ATXN7L2: variants seen among roughly 807,000 people sequenced by gnomAD.
ATXN7L2 encodes ataxin-7-like protein 2.
Under a neutral mutation model 59.6 loss-of-function variants are expected in ATXN7L2, and 17 were observed. The observed-to-expected ratio is 0.29, with a 90% CI of 0.20 to 0.43. The LOEUF (loss-of-function observed/expected upper bound fraction) is 0.43, where lower values mean the gene tolerates loss of function less well. Among genes scored for constraint, ATXN7L2 ranks in the 20% least tolerant of loss-of-function variants. The probability of loss-of-function intolerance (pLI) is 1.00; values close to 1 mark genes in which losing one functional copy is unlikely to be tolerated. For synonymous variants in ATXN7L2, 378 were observed against 392.5 expected (o/e 0.96, Z 0.44); for missense variants, 858 against 1,008.9 (o/e 0.85, Z 2.03).
chr1:109,492,767 A>AT (rs1657202451), downstream of ATXN7L2: 2 of 791,230 alleles, frequency 2.5e-6, no homozygotes, highest in South Asian at 4.4e-5. Context: ...TGCTATGAAA[A>AT]TATAAAAACA....
Position 109,483,931 on chromosome 1 carries a change from G to C in ATXN7L2, c.-23G>C, listed in dbSNP as rs1656367328. ...GGGGCCGCGCGGCGGCGGCGCCAGG[G>C]CGGGCGCGCGTCCGCGGCGGTGATG... On this transcript the variant is annotated 5_prime_UTR_variant, in exon 1 of 11. Transcript: ENST00000683729. 8.4e-7 allele frequency: 1 copy of C among 1,194,520 alleles called. No homozygotes were observed. The highest frequency in any genetic ancestry group is 1.6e-5 in the African/African-American group (1 of 62,580). The allele number at this position is 1,194,520 out of a possible 1,614,324, so 74.0% of individuals were successfully genotyped here. A position where few individuals can be genotyped will look rare whatever the true frequency, so the allele number is the denominator to read the frequency against.
rs1246346702 is a variant in ATXN7L2, at chr1:109,488,786, C to T, written c.880-61C>T. On this transcript the variant is annotated intron_variant, in intron 6 of 10. Transcript: ENST00000683729. This position sits in a 1 kb window ranked among gnomAD's most constrained non-coding sequence, Gnocchi z 5.0. ...ACTTGCCCGGGCCAAAGCACCCTGC[C>T]GTCCCTCACCCCTTCTCAGTTCATA... 15 of 1,556,070 alleles carry T rather than the reference C, an allele frequency of 9.6e-6. No individual in the cohort carries two copies. The East Asian group carries it at 1.6e-4, about 16-fold the overall frequency.
At chr1:109,484,127 CT>C in intron 1 of ATXN7L2, 47 bp downstream of exon 1, 1 of 1,395,392 alleles carries the variant, frequency 7.2e-7, no homozygotes, top group Non-Finnish European at 9.4e-7. Flanking sequence ...ACTATCTCCC[CT>C]CCCCCCTTCC....
Position 109,490,887 on chromosome 1 carries a change from T to C in ATXN7L2, c.1455-35T>C, listed in dbSNP as rs186230907. The stretch of plus-strand genomic sequence containing the variant: ...GTGTTGGGGGAAGCTGTCTTGTTTC[T>C]TGGCAGTCACAGTGGGGCTTTCTTT... On this transcript the variant is annotated intron_variant, in intron 9 of 10. Coordinates refer to ENST00000683729, the MANE Select transcript of ATXN7L2 (RefSeq NM_001350175.2). 1.4e-4 allele frequency: 217 copies of C among 1,527,632 alleles called. No homozygotes were observed. The African/African-American group carries it at 2.6e-3, about 19-fold the overall frequency. The allele number at this position is 1,527,632 out of a possible 1,614,324, so 94.6% of individuals were successfully genotyped here. A position where few individuals can be genotyped will look rare whatever the true frequency, so the allele number is the denominator to read the frequency against.
In ATXN7L2 at chr1:109,488,525, C is replaced by T. The variant is rs1656762850; in HGVS notation, c.879+60C>T. The stretch of plus-strand genomic sequence containing the variant: ...AGCACAGGGCTTGCCCACTCCTTCC[C>T]TGGGCAAAGAGAGGAATGTCGATGT... On this transcript the variant is annotated intron_variant, in intron 6 of 10. Transcript: ENST00000683729. The surrounding 1 kb of genome is among the most constrained non-coding windows in gnomAD (Gnocchi z 5.0). 2 of 1,496,996 alleles carry T rather than the reference C, an allele frequency of 1.3e-6. No homozygotes were observed. Among genetic ancestry groups the T allele is most frequent in the Non-Finnish European group, 1.8e-6 (2 of 1,089,070 alleles). The allele number at this position is 1,496,996 out of a possible 1,614,324, so 92.7% of individuals were successfully genotyped here. A position where few individuals can be genotyped will look rare whatever the true frequency, so the allele number is the denominator to read the frequency against.
Position 109,491,393 on chromosome 1 carries a change from C to T in ATXN7L2, c.1926C>T (p.Ser642=). The stretch of plus-strand genomic sequence containing the variant: ...CGGCCAAAACTAAAACAGCCCTGAG[C>T]ATGGGGCTTAATGGGACAATGGGGC... The part of the protein sequence containing the change: ...GLSAKTKTAL[S]MGLNGTMGPR... Residue 642 remains serine, a synonymous_variant, in exon 10 of 11, where the codon AGC becomes AGT. Transcript: ENST00000683729. The surrounding 1 kb of genome is among the most constrained non-coding windows in gnomAD (Gnocchi z 4.1). 1 of 1,614,244 alleles carries T rather than the reference C, an allele frequency of 6.2e-7. No individual in the cohort carries two copies. Among genetic ancestry groups the T allele is most frequent in the Non-Finnish European group, 8.5e-7 (1 of 1,180,046 alleles).
chr1:109,490,021 G>C lies in ATXN7L2; in HGVS notation c.1225G>C (p.Gly409Arg), dbSNP rs990966113. 6.2e-7 allele frequency: 1 copy of C among 1,613,058 alleles called. No homozygotes were observed. The highest frequency in any genetic ancestry group is 8.5e-7 in the Non-Finnish European group (1 of 1,179,600). The change falls in exon 8 of 11, where the codon GGT becomes CGT. Residue 409 changes from glycine (G) to arginine (R), a missense_variant. Transcript: ENST00000683729. Reference sequence around the variant, plus strand: ...CCTGTTCCCCTTCCCCATGCCCCGGGGTGGGACCCAGGCCTCCAGCGAAGA... The same window carrying C: ...CCTGTTCCCCTTCCCCATGCCCCGGCGTGGGACCCAGGCCTCCAGCGAAGA... ...PGLFPFPMPR[G>R]GTQASSEESE...
At position 109,490,353 on chromosome 1, in the gene ATXN7L2, G is replaced by C. The variant is rs777738941; in HGVS notation, c.1415G>C (p.Ser472Thr). The change falls in exon 9 of 11, where the codon AGC (serine) becomes ACC (threonine). Residue 472 changes from serine to threonine, a missense_variant. This residue lies in a region of ATXN7L2 where 734 missense variants were observed against 862.3 expected (regional missense o/e 0.85). Coordinates refer to ENST00000683729, the MANE Select transcript of ATXN7L2 (RefSeq NM_001350175.2). Reference sequence around the variant, plus strand: ...CTGGACCGGTTCTGCTCAGCACTCAGCTCCATGCTGGAACGGCACCTCAGC... The same window carrying C: ...CTGGACCGGTTCTGCTCAGCACTCACCTCCATGCTGGAACGGCACCTCAGC... Reference protein sequence around the residue: ...RRLDRFCSALSSMLERHLSTH... With the variant: ...RRLDRFCSALTSMLERHLSTH... The C allele has an allele frequency of 1.2e-6, 2 of 1,613,638 alleles. No homozygotes were observed. Among genetic ancestry groups the C allele is most frequent in the African/African-American group, 2.7e-5 (2 of 74,908 alleles).
rs374546925 is a variant in ATXN7L2, at chr1:109,491,216, C to T, written c.1749C>T (p.Ser583=). The change falls in exon 10 of 11, where the codon TCC becomes TCT. Residue 583 remains serine (S), a synonymous_variant. Coordinates refer to ENST00000683729, the MANE Select transcript of ATXN7L2 (RefSeq NM_001350175.2). This position sits in a 1 kb window ranked among gnomAD's most constrained non-coding sequence, Gnocchi z 4.1. ...PSPSFSKLPP[S]KASKSSKGKD... Reference sequence around the variant, plus strand: ...CGTCCTTCAGCAAGCTGCCGCCTTCCAAGGCCAGCAAGTCATCCAAAGGCA... The same window carrying T: ...CGTCCTTCAGCAAGCTGCCGCCTTCTAAGGCCAGCAAGTCATCCAAAGGCA... The T allele has an allele frequency of 7.4e-6, 12 of 1,614,046 alleles. No individual in the cohort carries two copies. The highest frequency in any genetic ancestry group is 9.3e-6 in the Non-Finnish European group (11 of 1,180,054).
In ATXN7L2 at chr1:109,486,249, C is replaced by T. The variant is rs542549141; in HGVS notation, c.193+127C>T. ...CTGGGGACCCTCATTTTGATAGGTC[C>T]GAGTCGGCCGGTTGTTCTGGCTCCT... On this transcript the variant is annotated intron_variant, in intron 2 of 10. Transcript: ENST00000683729. This position sits in a 1 kb window ranked among gnomAD's most constrained non-coding sequence, Gnocchi z 4.3. The T allele has an allele frequency of 2.8e-5, 39 of 1,388,880 alleles. No individual in the cohort carries two copies. In the East Asian group the frequency reaches 4.8e-4, roughly 17 times the overall value. 86.0% of individuals were successfully genotyped at this position (1,388,880 alleles called of 1,614,324 possible).
Position 109,484,435 on chromosome 1 carries a change from T to C in ATXN7L2, c.127+355T>C, listed in dbSNP as rs1382647906. 2.0e-5 allele frequency among the ~76,000 whole-genome samples: 3 copies of C among 151,766 alleles called. No homozygotes were observed. The East Asian group carries it at 5.8e-4, about 29-fold the overall frequency. On this transcript the variant is annotated intron_variant, in intron 1 of 10. Transcript: ENST00000683729. ...CTGTCCGCAACAGTCCTCCACGTGT[T>C]TCCCACGCACCCCACTTCTGTGCCC...
In ATXN7L2 at chr1:109,488,849, C is replaced by T; in HGVS notation, c.882C>T (p.Ile294=). 2 of 1,613,464 alleles carry T rather than the reference C, an allele frequency of 1.2e-6. No individual in the cohort carries two copies. Among genetic ancestry groups the T allele is most frequent in the Middle Eastern group, 1.7e-4 (1 of 6,056 alleles). ...CTCTCCACTCTGCTGTATTCTAGAT[C>T]CACTCAGTACACCAGCGCCGGGAAG... ...KICTRLLTCK[I]HSVHQRREVQ... Residue 294 remains isoleucine, a splice_region_variant and synonymous_variant, in exon 7 of 11, where the codon ATC becomes ATT. Coordinates refer to ENST00000683729, the MANE Select transcript of ATXN7L2 (RefSeq NM_001350175.2). This position sits in a 1 kb window ranked among gnomAD's most constrained non-coding sequence, Gnocchi z 5.0.
rs1014339179 is a variant in ATXN7L2 at position 109,487,283 on chromosome 1, A to G, written c.509+66A>G. The G allele has an allele frequency of 4.6e-5, 64 of 1,393,484 alleles. No homozygotes were observed. The South Asian group carries it at 4.9e-4, about 11-fold the overall frequency. The allele number at this position is 1,393,484 out of a possible 1,614,324, so 86.3% of individuals were successfully genotyped here. On this transcript the variant is annotated intron_variant, in intron 4 of 10. Transcript: ENST00000683729. ...CTGACCCATGGATGGGCTGACATCA[A>G]TACAGACAGCCCTGGGTCAAGGCAT...
In ATXN7L2 at chr1:109,491,378, TA is replaced by T. The variant is rs1356136103; in HGVS notation, c.1915del (p.Thr639GlnfsTer3). ...SGCRGLSAKT[K>X]TALSMGLNGT... The stretch of plus-strand genomic sequence containing the variant: ...GCTGTAGGGGCCTCTCGGCCAAAAC[TA>T]AAACAGCCCTGAGCATGGGGCTTAA... On this transcript the variant is annotated frameshift_variant, in exon 10 of 11. Coordinates refer to ENST00000683729, the MANE Select transcript of ATXN7L2 (RefSeq NM_001350175.2). LOFTEE classifies it high-confidence loss of function. The surrounding 1 kb of genome is among the most constrained non-coding windows in gnomAD (Gnocchi z 4.1). The T allele has an allele frequency of 6.2e-7, 1 of 1,614,082 alleles. No individual in the cohort carries two copies. The highest frequency in any genetic ancestry group is 8.5e-7 in the Non-Finnish European group (1 of 1,180,038).
intron 4 of ATXN7L2, 71 bp downstream of exon 4, chr1:109,487,288 G>T: frequency 1.4e-6 from 2 of 1,389,530 alleles, no homozygotes; most frequent in South Asian, 1.5e-5. Context: ...CATCAATACA[G>T]ACAGCCCTGG....
At chr1:109,492,282 G>A (rs751482252) in intron 10 of ATXN7L2, among the ~76,000 whole-genome samples, 10 of 152,188 alleles carry the variant, frequency 6.6e-5, no homozygotes, top group Admixed American at 3.9e-4. Flanking sequence ...TCTGGTGGGA[G>A]CCCTGGTGTA....
Position 109,487,512 on chromosome 1 carries a change from G to A in ATXN7L2, c.510-6G>A, listed in dbSNP as rs78485729. ...CCCTCAGCCAACCCCCTCTCTCTGTGTGTAGCCTTTTCGTGCCTGTGGTGA... is the reference window on the plus strand; with the variant it reads ...CCCTCAGCCAACCCCCTCTCTCTGTATGTAGCCTTTTCGTGCCTGTGGTGA... On this transcript the variant is annotated splice_polypyrimidine_tract_variant and splice_region_variant and intron_variant, in intron 4 of 10. Coordinates refer to ENST00000683729, the MANE Select transcript of ATXN7L2 (RefSeq NM_001350175.2). 5 of 1,501,228 alleles carry A rather than the reference G, an allele frequency of 3.3e-6. No homozygotes were observed. The highest frequency in any genetic ancestry group is 2.4e-5 in the East Asian group (1 of 42,206). 93.0% of individuals were successfully genotyped at this position (1,501,228 alleles called of 1,614,324 possible). A position where few individuals can be genotyped will look rare whatever the true frequency, so the allele number is the denominator to read the frequency against.
In ATXN7L2 at chr1:109,484,134, C is replaced by G. The variant is rs966648910; in HGVS notation, c.127+54C>G. On this transcript the variant is annotated intron_variant, in intron 1 of 10. Coordinates refer to ENST00000683729, the MANE Select transcript of ATXN7L2 (RefSeq NM_001350175.2). ...ACCCCATCACTATCTCCCCTCCCCC[C>G]TTCCGGGCCCCCGCCAGCTGAGGGG... 18 of 1,367,528 alleles carry G rather than the reference C, an allele frequency of 1.3e-5. No homozygotes were observed. The East Asian group carries it at 3.6e-4, about 27-fold the overall frequency. 84.7% of individuals were successfully genotyped at this position (1,367,528 alleles called of 1,614,324 possible).
intron 4 of ATXN7L2, 90 bp from the exon 5 acceptor site, chr1:109,487,428 C>G (rs1037716368): frequency 2.3e-6 from 3 of 1,328,548 alleles, no homozygotes; most frequent in Non-Finnish European, 3.0e-6. Flanking sequence ...AATTCCAGGG[C>G]TGGGAAAGAG....
Sources: gnomAD v4.1 joint callset for allele counts (sites outside exome capture counted in the v4.1 genomes callset) on GRCh38, gnomAD v4.1.1 for gene constraint, gnomAD v4.1.1 regional missense constraint, Gnocchi (gnomAD v3.1) non-coding constraint, MANE v1.5 for transcripts, NCBI Gene and HGNC (gene_info 2026-07-23, HGNC 2026-07-21) for gene names.